ENTREP1: variants seen among roughly 807,000 people sequenced by gnomAD.
The protein encoded by ENTREP1 is endosomal transmembrane epsin interactor 1.
the ENTREP1 span, chr9:69,391,508 A>G: frequency 3.8e-6 from 4 of 1,052,084 alleles, no homozygotes; most frequent in African/African-American, 4.7e-5. Context: ...GCAATTACAC[A>G]TTAAGATAGG....
chr9:69,371,534 CCT>C, the ENTREP1 span: 1 of 1,613,828 alleles, frequency 6.2e-7, no homozygotes, highest in African/African-American at 1.3e-5. Flanking sequence ...TGGTTTGTGT[CCT>C]CTTAAATCTA....
chr9:69,384,564 T>G, the ENTREP1 span, among the ~76,000 whole-genome samples: 1 of 152,208 alleles, frequency 6.6e-6, no homozygotes, highest in African/African-American at 2.4e-5. Context: ...ATTTATAACC[T>G]AGGGCCCAGG....
chr9:69,335,649 T>G, the ENTREP1 span, among the ~76,000 whole-genome samples: 1 of 152,156 alleles, frequency 6.6e-6, no homozygotes, highest in Non-Finnish European at 1.5e-5. Flanking sequence ...GATGGGTACC[T>G]GACGAAGGGA....
chr9:69,363,047 G>C, the ENTREP1 span, among the ~76,000 whole-genome samples: 1 of 152,004 alleles, frequency 6.6e-6, no homozygotes, highest in Admixed American at 6.5e-5. Flanking sequence ...CACGCATGTC[G>C]CCAGTGCCTA....
At chr9:69,331,670 G>C in the ENTREP1 span, among the ~76,000 whole-genome samples, 1 of 152,136 alleles carries the variant, frequency 6.6e-6, no homozygotes, top group Non-Finnish European at 1.5e-5. Context: ...AAGCACAGGG[G>C]ATGAAAAGTG....
At chr9:69,371,703 G>A in the ENTREP1 span, 1 of 833,850 alleles carries the variant, frequency 1.2e-6, no homozygotes, top group Non-Finnish European at 2.1e-6. Flanking sequence ...TCAGGCAACT[G>A]TCCTGAAGTG....
chr9:69,387,852 C>G, the ENTREP1 span: 8 of 1,269,630 alleles, frequency 6.3e-6, no homozygotes, highest in South Asian at 1.2e-4. Context: ...TGTCATACCC[C>G]ATGAAACTTA....
At chr9:69,373,922 A>G in the ENTREP1 span, among the ~76,000 whole-genome samples, 1 of 152,152 alleles carries the variant, frequency 6.6e-6, no homozygotes, top group African/African-American at 2.4e-5. Context: ...GTTATACTCC[A>G]AACAATTTCT....
the ENTREP1 span, among the ~76,000 whole-genome samples, chr9:69,361,693 A>T: frequency 1.3e-5 from 2 of 152,142 alleles, no homozygotes; most frequent in Non-Finnish European, 2.9e-5. Flanking sequence ...GGTTGTACCA[A>T]TTTCTAATTC....
At chr9:69,360,276 A>G in the ENTREP1 span, among the ~76,000 whole-genome samples, 16 of 152,196 alleles carry the variant, frequency 1.1e-4, no homozygotes, top group Admixed American at 2.6e-4. Context: ...TCAAAACACA[A>G]TCACTTCAAC....
chr9:69,327,407 C>T, the ENTREP1 span, among the ~76,000 whole-genome samples: 1 of 152,148 alleles, frequency 6.6e-6, no homozygotes, highest in East Asian at 1.9e-4. Flanking sequence ...CTAAATACCA[C>T]GGGCCAGTAA....
chr9:69,357,095 C>CAAAAAA, the ENTREP1 span, among the ~76,000 whole-genome samples: 1 of 88,976 alleles, frequency 1.1e-5, no homozygotes. Flanking sequence ...ACCATCTCTA[C>CAAAAAA]AAAAAAAAAA....
chr9:69,349,086 A>G, the ENTREP1 span, among the ~76,000 whole-genome samples: 3 of 150,552 alleles, frequency 2.0e-5, no homozygotes, highest in East Asian at 4.0e-4. Context: ...CAGAAGGCTG[A>G]GGCAGGGGAA....
the ENTREP1 span, among the ~76,000 whole-genome samples, chr9:69,358,317 G>A: frequency 1.7e-4 from 26 of 152,196 alleles, no homozygotes; most frequent in Admixed American, 1.0e-3. Flanking sequence ...TTTGAGGCCT[G>A]TCTGTATATG....
chr9:69,385,031 C>G, the ENTREP1 span, among the ~76,000 whole-genome samples: 21 of 152,118 alleles, frequency 1.4e-4, no homozygotes, highest in Non-Finnish European at 2.2e-4. Flanking sequence ...AAGTGATTCT[C>G]CTGCCCCAGC....
the ENTREP1 span, among the ~76,000 whole-genome samples, chr9:69,389,466 T>A: frequency 6.6e-6 from 1 of 152,164 alleles, no homozygotes; most frequent in South Asian, 2.1e-4. Flanking sequence ...CGGGGAGGAA[T>A]GATCTGATTA....
the ENTREP1 span, among the ~76,000 whole-genome samples, chr9:69,378,992 G>A: frequency 9.9e-5 from 15 of 151,624 alleles, no homozygotes; most frequent in Non-Finnish European, 2.9e-5. Flanking sequence ...AGTCAGAGAT[G>A]GCTTCCTGGA....
At chr9:69,329,311 CAA>C in the ENTREP1 span, 17 of 948,012 alleles carry the variant, frequency 1.8e-5, no homozygotes, top group Non-Finnish European at 2.1e-5. Context: ...AAATTAGGTT[CAA>C]GAGACAAATA....
chr9:69,369,700 C>T, the ENTREP1 span, among the ~76,000 whole-genome samples: 1 of 152,014 alleles, frequency 6.6e-6, no homozygotes, highest in Non-Finnish European at 1.5e-5. Flanking sequence ...TCCTCACCAG[C>T]ACTTGGTTTT....
Sources: allele counts gnomAD v4.1 joint callset (sites outside exome capture counted in the v4.1 genomes callset), GRCh38; gene constraint gnomAD v4.1.1; transcripts MANE v1.5; gene names NCBI Gene and HGNC (gene_info 2026-07-23, HGNC 2026-07-21).